Variants in WDR3 observed in about 807,000 individuals in gnomAD.
The protein encoded by WDR3 is WD repeat domain 3.
Under a neutral mutation model 123.7 loss-of-function variants are expected in WDR3, and 81 were observed. The ratio of observed to expected loss-of-function variants is 0.65; its 90% CI spans 0.55 to 0.79. WDR3 has a LOEUF of 0.79. WDR3 is among the 30% of genes least tolerant of loss of function. The pLI is 0.00. For synonymous variants in WDR3, 390 were observed against 388.8 expected, an observed-to-expected ratio of 1.00 and a Z score of -0.04; for missense variants, 1,027 against 1,123.2, an observed-to-expected ratio of 0.91 and a Z score of 1.22.
At chr1:117,938,614 G>A in intron 5 of WDR3, 56 bp downstream of exon 5, 18 of 1,499,052 alleles carry the variant, frequency 1.2e-5, no homozygotes, top group Non-Finnish European at 1.7e-5. Flanking sequence ...GGGAAAAGGT[G>A]GTGGTCTTCT....
At chr1:117,953,344 T>C in intron 20 of WDR3, 132 bp from the exon 21 acceptor site, 1 of 865,092 alleles carries the variant, frequency 1.2e-6, no homozygotes, top group Admixed American at 2.6e-5. Flanking sequence ...GTTCTGTTAC[T>C]GGTAGCTGAT....
At chr1:117,933,055 T>A (rs553933359) in intron 1 of WDR3, among the ~76,000 whole-genome samples, 2 of 144,354 alleles carry the variant, frequency 1.4e-5, no homozygotes, top group African/African-American at 2.6e-5. Flanking sequence ...AAAAAAAAAA[T>A]TAGCCGGGTA....
intron 6 of WDR3, among the ~76,000 whole-genome samples, chr1:117,939,920 T>C (rs2101200354): frequency 6.6e-6 from 1 of 152,326 alleles, no homozygotes; most frequent in African/African-American, 2.4e-5. Context: ...TATAAATATG[T>C]ATATTCTGAA....
chr1:117,941,481 A>G (rs1651171033), intron 8 of WDR3, among the ~76,000 whole-genome samples: 2 of 152,162 alleles, frequency 1.3e-5, no homozygotes, highest in South Asian at 4.1e-4. Context: ...TTGTACCAGT[A>G]TTATTATTAG....
intron 8 of WDR3, 150 bp from the exon 9 acceptor site, chr1:117,941,600 A>G (rs1651175073): frequency 4.1e-6 from 4 of 971,258 alleles, no homozygotes; most frequent in African/African-American, 1.7e-5. Flanking sequence ...CATTTTACAG[A>G]TGAGATAGCA....
At chr1:117,952,185 A>G (rs1044813042) in intron 17 of WDR3, 109 bp downstream of exon 17, 11 of 1,458,222 alleles carry the variant, frequency 7.5e-6, no homozygotes, top group Non-Finnish European at 1.0e-5. Context: ...TACAAGTTCT[A>G]AAATATAGTC....
intron 21 of WDR3, 43 bp from the exon 22 acceptor site, chr1:117,953,964 G>A: frequency 6.6e-7 from 1 of 1,514,868 alleles, no homozygotes; most frequent in Non-Finnish European, 9.0e-7. Context: ...CTGGGATGAT[G>A]GAGTATGTTG....
chr1:117,952,552 T>C lies in WDR3; in HGVS notation c.2041T>C (p.Leu681=). 6.2e-7 allele frequency: 1 copy of C among 1,612,812 alleles called. No individual in the cohort carries two copies. The highest frequency in any genetic ancestry group is 1.7e-4 in the Middle Eastern group (1 of 6,046). ...GGGTCATCACCAGGAAATATGGTGTTTGGCTGTAAGCCCCAGTGGAGACTA... is the reference window on the plus strand; with the variant it reads ...GGGTCATCACCAGGAAATATGGTGTCTGGCTGTAAGCCCCAGTGGAGACTA... ...LEGHHQEIWC[L]AVSPSGDYVV... The change falls in exon 19 of 27, where the codon TTG becomes CTG. Residue 681 remains leucine, a synonymous_variant. Transcript: ENST00000349139.
At chr1:117,957,853 T>C (rs534338003) in intron 25 of WDR3, among the ~76,000 whole-genome samples, 34 of 152,336 alleles carry the variant, frequency 2.2e-4, no homozygotes, top group Middle Eastern at 6.8e-3. Flanking sequence ...TTTACCAACA[T>C]TTTAAGAAAG....
chr1:117,951,520 T>G (rs1651609335), intron 16 of WDR3, among the ~76,000 whole-genome samples: 1 of 151,590 alleles, frequency 6.6e-6, no homozygotes. Flanking sequence ...TTTTTTTTTT[T>G]TTTTTATGTT....
In WDR3 at chr1:117,948,507, G is replaced by A. The variant is rs372252854; in HGVS notation, c.1524+1G>A. 1.2e-5 allele frequency: 20 copies of A among 1,611,176 alleles called. No individual in the cohort carries two copies. Among genetic ancestry groups the A allele is most frequent in the Non-Finnish European group, 1.7e-5 (20 of 1,178,420 alleles). On this transcript the variant is annotated splice_donor_variant, in intron 13 of 26. Coordinates refer to ENST00000349139, the MANE Select transcript of WDR3 (RefSeq NM_006784.3). LOFTEE classifies it high-confidence loss of function. ...GTCCATGTCCCTCTCTCCAGATCAG[G>A]TAACTAAACCAGATTTTAAAGCCCT...
In WDR3 at chr1:117,961,856, G is replaced by A. The variant is rs1042550747; in HGVS notation, c.*2409G>A. The A allele has an allele frequency of 6.6e-6, 1 of 152,496 alleles. No individual in the cohort carries two copies. The highest frequency in any genetic ancestry group is 1.5e-5 in the Non-Finnish European group (1 of 68,036). The allele number at this position is 152,496 out of a possible 1,614,324, so 9.4% of individuals were successfully genotyped here. A position where few individuals can be genotyped will look rare whatever the true frequency, so the allele number is the denominator to read the frequency against. On this transcript the variant is annotated 3_prime_UTR_variant, in exon 27 of 27. Transcript: ENST00000349139. ...ATGCATTCTAGGTGCTTTCCAAGGAGTCAGTGTTGTTTAGGCAGCTATTCC... is the reference window on the plus strand; with the variant it reads ...ATGCATTCTAGGTGCTTTCCAAGGAATCAGTGTTGTTTAGGCAGCTATTCC...
rs75634673 is a variant in WDR3, at chr1:117,948,024, C to G, written c.1423-381C>G. Among the ~76,000 whole-genome samples the G allele has an allele frequency of 6.8e-3, 1,037 of 152,222 alleles. 9 individuals are homozygous for G. Among genetic ancestry groups the G allele is most frequent in the African/African-American group, 0.023 (974 of 41,538 alleles). The stretch of plus-strand genomic sequence containing the variant: ...AAGCCAATAACTATAGAGGATCATC[C>G]GCTTAAAGGATTGGCTAAACTTTAA... On this transcript the variant is annotated intron_variant, in intron 12 of 26. Coordinates refer to ENST00000349139, the MANE Select transcript of WDR3 (RefSeq NM_006784.3).
Position 117,943,657 on chromosome 1 carries a change from G to A in WDR3, c.1328+31G>A, listed in dbSNP as rs771263455. On this transcript the variant is annotated intron_variant, in intron 11 of 26. Coordinates refer to ENST00000349139, the MANE Select transcript of WDR3 (RefSeq NM_006784.3). ...TGAAATGATGTTTTATATAGCTGTAGTTAGTAGTATTTCTTTTAATTTTTT... is the reference window on the plus strand; with the variant it reads ...TGAAATGATGTTTTATATAGCTGTAATTAGTAGTATTTCTTTTAATTTTTT... 6 of 1,595,510 alleles carry A rather than the reference G, an allele frequency of 3.8e-6. No homozygotes were observed. The Admixed American group carries it at 1.0e-4, about 27-fold the overall frequency.
At chr1:117,952,429 C>T in intron 18 of WDR3, 21 bp downstream of exon 18, 2 of 1,606,612 alleles carry the variant, frequency 1.2e-6, no homozygotes, top group Non-Finnish European at 1.7e-6. Context: ...GCCTTCTGTG[C>T]TTGCTTGGTA....
At position 117,961,765 on chromosome 1, in the gene WDR3, A is replaced by C. The variant is rs1172891724; in HGVS notation, c.*2318A>C. The C allele has an allele frequency of 6.6e-6, 1 of 152,362 alleles. No homozygotes were observed. Among genetic ancestry groups the C allele is most frequent in the African/African-American group, 2.4e-5 (1 of 41,430 alleles). The allele number at this position is 152,362 out of a possible 1,614,324, so 9.4% of individuals were successfully genotyped here. ...TGTTATTTGTTGGGCAGAATAAATA[A>C]GTGAATTTTGGCATAGAGTTTCTGA... On this transcript the variant is annotated 3_prime_UTR_variant, in exon 27 of 27. Coordinates refer to ENST00000349139, the MANE Select transcript of WDR3 (RefSeq NM_006784.3).
chr1:117,940,328 G>A (rs554861745), intron 6 of WDR3, among the ~76,000 whole-genome samples: 5 of 152,248 alleles, frequency 3.3e-5, no homozygotes, highest in South Asian at 2.1e-4. Context: ...TTTTTAATAA[G>A]TTCTGATACC....
At position 117,950,834 on chromosome 1, in the gene WDR3, T is replaced by C; in HGVS notation, c.1747T>C (p.Phe583Leu). The C allele has an allele frequency of 6.2e-7, 1 of 1,607,884 alleles. No homozygotes were observed. The highest frequency in any genetic ancestry group is 1.7e-4 in the Middle Eastern group (1 of 5,844). The change falls in exon 16 of 27, where the codon TTT becomes CTT. Residue 583 changes from phenylalanine to leucine, a missense_variant and splice_region_variant. Coordinates refer to ENST00000349139, the MANE Select transcript of WDR3 (RefSeq NM_006784.3). ...TTAATTATGTTTTTTTGATGTTTAG[T>C]TTTTTCTGTCACTGTATGGACACAA... ...VKIFYVDTLK[F>L]FLSLYGHKLP...
chr1:117,939,560 T>A lies in WDR3; in HGVS notation c.663T>A (p.Ala221=). 1 of 1,613,634 alleles carries A rather than the reference T, an allele frequency of 6.2e-7. No homozygotes were observed. The highest frequency in any genetic ancestry group is 8.5e-7 in the Non-Finnish European group (1 of 1,179,588). The change falls in exon 6 of 27, where the codon GCT becomes GCA. Residue 221 remains alanine, a synonymous_variant. Transcript: ENST00000349139. ...GTGAACTGAGGGTATGGGACATAGCTTATCTGCAAGAGGTAATTACTTCTT... is the reference window on the plus strand; with the variant it reads ...GTGAACTGAGGGTATGGGACATAGCATATCTGCAAGAGGTAATTACTTCTT... ...SDSELRVWDI[A]YLQEIEDPEE...
Sources: allele counts gnomAD v4.1 joint callset (sites outside exome capture counted in the v4.1 genomes callset), GRCh38; gene constraint gnomAD v4.1.1; transcripts MANE v1.5; gene names NCBI Gene and HGNC (gene_info 2026-07-23, HGNC 2026-07-21).